The following BRCA1 variants were observed in gnomAD, a reference collection of about 807,000 sequenced individuals.
BRCA1 encodes the protein breast cancer type 1 susceptibility protein.
BRCA1 carries 140 observed loss-of-function variants against 173.7 expected under a neutral mutation model. That is an observed-to-expected ratio of 0.81 (90% CI 0.70 to 0.93). The LOEUF is 0.93. Ranked by LOEUF, BRCA1 falls within the 40% of genes least tolerant of loss-of-function variation. The pLI, the probability that BRCA1 is intolerant of heterozygous loss-of-function variation, is 0.00. For missense variants in BRCA1, 1,983 were observed against 2,172.5 expected (o/e 0.91, Z 1.73); for synonymous variants, 662 against 756.0 (o/e 0.88, Z 2.04).
intron 13 of BRCA1, among the ~76,000 whole-genome samples, chr17:43,075,304 G>A (rs1370320632): frequency 6.6e-6 from 1 of 152,102 alleles, no homozygotes; most frequent in Non-Finnish European, 1.5e-5. Context: ...CCTATTGCCT[G>A]CCTTTTCAAT....
intron 19 of BRCA1, among the ~76,000 whole-genome samples, chr17:43,056,778 G>C (rs2051479288): frequency 6.6e-6 from 1 of 152,132 alleles, no homozygotes; most frequent in South Asian, 2.1e-4. Context: ...TAAAGTCCCA[G>C]CTCTTCCACT....
intron 1 of BRCA1, among the ~76,000 whole-genome samples, chr17:43,134,143 T>C (rs532597043): frequency 1.4e-4 from 21 of 152,220 alleles, no homozygotes; most frequent in Non-Finnish European, 2.9e-4. Context: ...AGGTACCTTT[T>C]TTCTTGTACA....
chr17:43,139,419 C>T (rs1038492380), intron 1 of BRCA1, among the ~76,000 whole-genome samples: 10 of 151,620 alleles, frequency 6.6e-5, no homozygotes, highest in East Asian at 3.9e-4. Flanking sequence ...GCTAGAGGCA[C>T]GATCTCGGCT....
At chr17:43,086,340 T>C (rs142310565) in intron 11 of BRCA1, among the ~76,000 whole-genome samples, 1 of 152,192 alleles carries the variant, frequency 6.6e-6, no homozygotes, top group East Asian at 1.9e-4. Context: ...AATGAGAAGA[T>C]AAATTAATAA....
At chr17:43,069,709 C>CAAGGCTGGGA (rs2052301606) in intron 15 of BRCA1, among the ~76,000 whole-genome samples, 1 of 152,164 alleles carries the variant, frequency 6.6e-6, no homozygotes, top group Non-Finnish European at 1.5e-5. Flanking sequence ...CCACAGCTTA[C>CAAGGCTGGGA]TTTGCCCTTT....
intron 12 of BRCA1, among the ~76,000 whole-genome samples, chr17:43,077,071 G>T (rs561670417): frequency 1.3e-5 from 2 of 152,086 alleles, no homozygotes; most frequent in African/African-American, 4.8e-5. Context: ...TATGAAATGG[G>T]GATTTCAGCT....
intron 22 of BRCA1, among the ~76,000 whole-genome samples, chr17:43,047,184 C>G (rs1030614276): frequency 1.3e-5 from 2 of 152,040 alleles, no homozygotes; most frequent in African/African-American, 4.8e-5. Flanking sequence ...ACTGAAGCAT[C>G]AACCTCCTGA....
intron 8 of BRCA1, among the ~76,000 whole-genome samples, chr17:43,096,367 ACT>A (rs2054135505): frequency 1.4e-5 from 2 of 143,874 alleles, no homozygotes; most frequent in African/African-American, 2.7e-5. Context: ...ACAGAGCAAG[ACT>A]CTGTCTCAAA....
intron 1 of BRCA1, chr17:43,162,134 G>A (rs2056240095): frequency 1.3e-5 from 2 of 152,252 alleles, no homozygotes; most frequent in African/African-American, 4.8e-5. Flanking sequence ...CTTAGCACAG[G>A]AAGGGCCATT....
intron 11 of BRCA1, among the ~76,000 whole-genome samples, chr17:43,087,596 A>C (rs796783220): frequency 5.3e-5 from 8 of 150,774 alleles, no homozygotes; most frequent in African/African-American, 1.7e-4. Context: ...CGGGAGGCAG[A>C]GGATGCGGTG....
At chr17:43,095,120 G>A (rs1001096647) in intron 9 of BRCA1, among the ~76,000 whole-genome samples, 28 of 151,888 alleles carry the variant, frequency 1.8e-4, no homozygotes, top group Admixed American at 3.9e-4. Context: ...TTTCTCTAAC[G>A]TCTAAGAGTG....
chr17:43,155,721 G>T (rs1363385736), intron 1 of BRCA1, among the ~76,000 whole-genome samples: 3 of 152,068 alleles, frequency 2.0e-5, no homozygotes, highest in African/African-American at 7.2e-5. Flanking sequence ...TTTTGGTAGG[G>T]AAGGGGTTGC....
In BRCA1 at chr17:43,057,101, C is replaced by G. The variant is rs1346819781; in HGVS notation, c.5228G>C (p.Gly1743Ala). Residue 1743 changes from glycine to alanine, a missense_variant, in exon 19 of 23, where the codon GGA becomes GCA. Coordinates refer to ENST00000357654, the MANE Select transcript of BRCA1 (RefSeq NM_007294.4). ...DFEVRGDVVNGRNHQGPKRAR... is the reference protein window; with the variant it reads ...DFEVRGDVVNARNHQGPKRAR... ...TCGCTTTGGACCTTGGTGGTTTCTT[C>G]CATTGACCACATCTCCTCTGACTTC... 4 of 1,613,864 alleles carry G rather than the reference C, an allele frequency of 2.5e-6. No homozygotes were observed. The Admixed American group carries it at 5.0e-5, about 20-fold the overall frequency.
intron 3 of BRCA1, among the ~76,000 whole-genome samples, chr17:43,106,761 G>A (rs1232323603): frequency 1.3e-5 from 2 of 152,144 alleles, no homozygotes; most frequent in South Asian, 2.1e-4. Context: ...GAACTTACAT[G>A]CATATGGCTT....
intron 5 of BRCA1, 151 bp downstream of exon 5, chr17:43,104,717 A>T: frequency 2.8e-6 from 2 of 703,688 alleles, no homozygotes; most frequent in Non-Finnish European, 5.0e-6. Context: ...GACCAGTGGG[A>T]GTAATTTTTT....
At chr17:43,081,505 AG>A (rs1276661565) in intron 12 of BRCA1, among the ~76,000 whole-genome samples, 1 of 152,206 alleles carries the variant, frequency 6.6e-6, no homozygotes, top group African/African-American at 2.4e-5. Context: ...GTGCTGAAGA[AG>A]GAACTTTAAC....
chr17:43,158,283 C>G (rs1431634733), intron 1 of BRCA1, among the ~76,000 whole-genome samples: 2 of 152,102 alleles, frequency 1.3e-5, no homozygotes, highest in Admixed American at 6.6e-5. Flanking sequence ...GTAAGTTGTG[C>G]TTTTTCAAAA....
chr17:43,051,206 A>T, intron 19 of BRCA1, 89 bp from the exon 20 acceptor site: 2 of 1,267,208 alleles, frequency 1.6e-6, no homozygotes, highest in Non-Finnish European at 2.3e-6. Flanking sequence ...TTCAAAAAAC[A>T]GACTTTCAAA....
chr17:43,141,610 C>T (rs561498661), intron 1 of BRCA1, among the ~76,000 whole-genome samples: 3 of 151,592 alleles, frequency 2.0e-5, no homozygotes, highest in African/African-American at 7.3e-5. Flanking sequence ...GTCAGGAGAT[C>T]GAGACCATCT....
Sources: allele counts gnomAD v4.1 joint callset (sites outside exome capture counted in the v4.1 genomes callset), GRCh38; gene constraint gnomAD v4.1.1; transcripts MANE v1.5; gene names NCBI Gene and HGNC (gene_info 2026-07-23, HGNC 2026-07-21).